Variants in SOS2 observed in about 807,000 individuals in gnomAD.
SOS2 encodes son of sevenless homolog 2.
Under a neutral mutation model 148.2 loss-of-function variants are expected in SOS2, and 65 were observed. That is an observed-to-expected ratio of 0.44 (90% confidence interval 0.36 to 0.54). The LOEUF is 0.54. SOS2 is among the 20% of genes least tolerant of loss of function. SOS2 has a pLI of 0.00. For missense variants in SOS2, 1,341 were observed against 1,590.2 expected, an observed-to-expected ratio of 0.84 and a Z score of 2.67; for synonymous variants, 539 against 537.1, an observed-to-expected ratio of 1.00 and a Z score of -0.05.
intron 16 of SOS2, among the ~76,000 whole-genome samples, chr14:50,144,561 C>T (rs1016174896): frequency 3.3e-5 from 5 of 152,056 alleles, no homozygotes; most frequent in South Asian, 2.1e-4. Context: ...TCTCAGCCTC[C>T]GAAGTAGCTG....
Position 50,118,453 on chromosome 14 carries a change from T to A in SOS2, c.3890A>T (p.Asn1297Ile), listed in dbSNP as rs1566814414. The stretch of plus-strand genomic sequence containing the variant: ...CAGTTTTGGCAGATGAGGGCTTGAA[T>A]TCTGCCTTGGTGGAACAGGGGGAGC... ...PPAPPVPPRQ[N>I]SSPHLPKLPP... is the part of the protein sequence containing the mutation. Residue 1297 changes from asparagine to isoleucine, a missense_variant, in exon 23 of 23, where the codon AAT becomes ATT. By Grantham distance (149) the Asn-to-Ile change is moderately radical (BLOSUM62 -3). Coordinates refer to ENST00000216373, the MANE Select transcript of SOS2 (RefSeq NM_006939.4). 1 of 1,614,156 alleles carries A rather than the reference T, an allele frequency of 6.2e-7. No homozygotes were observed. The highest frequency in any genetic ancestry group is 8.5e-7 in the Non-Finnish European group (1 of 1,180,016).
chr14:50,160,143 G>T, intron 9 of SOS2, 57 bp from the exon 10 acceptor site: 5 of 1,322,858 alleles, frequency 3.8e-6, no homozygotes, highest in Non-Finnish European at 4.2e-6. Flanking sequence ...ATGGTTTCAA[G>T]CATAAACCAT....
intron 4 of SOS2, among the ~76,000 whole-genome samples, chr14:50,197,930 C>T (rs1886364274): frequency 6.6e-6 from 1 of 151,162 alleles, no homozygotes; most frequent in South Asian, 2.1e-4. Context: ...CCTTAAGTGA[C>T]CTGCCCGCCT....
intron 1 of SOS2, among the ~76,000 whole-genome samples, chr14:50,212,056 T>C (rs897592462): frequency 6.6e-6 from 1 of 152,040 alleles, no homozygotes; most frequent in Admixed American, 6.6e-5. Context: ...ATAAAAAGAA[T>C]ACATACAATG....
intron 16 of SOS2, 112 bp downstream of exon 16, chr14:50,145,054 GAAGC>G (rs1884425047): frequency 2.2e-6 from 1 of 462,498 alleles, no homozygotes; most frequent in Admixed American, 3.9e-5. Flanking sequence ...TCATATTTAT[GAAGC>G]AAGGATGAAT....
chr14:50,149,147 T>C (rs1378596541), intron 14 of SOS2, among the ~76,000 whole-genome samples: 1 of 152,214 alleles, frequency 6.6e-6, no homozygotes, highest in East Asian at 1.9e-4. Flanking sequence ...TCTGCCCACC[T>C]TGGCCTCCTA....
rs531533214 is a variant in SOS2 at position 50,159,717 on chromosome 14, T to C, written c.1566A>G (p.Ile522Met). 2 of 1,614,176 alleles carry C rather than the reference T, an allele frequency of 1.2e-6. No individual in the cohort carries two copies. Among genetic ancestry groups the C allele is most frequent in the African/African-American group, 2.7e-5 (2 of 75,066 alleles). Residue 522 changes from isoleucine (I) to methionine (M), a missense_variant, in exon 10 of 23, where the codon ATA (isoleucine) becomes ATG (methionine). This residue lies in a region of SOS2 where 574 missense variants were observed against 711.1 expected (regional missense o/e 0.81). Coordinates refer to ENST00000216373, the MANE Select transcript of SOS2 (RefSeq NM_006939.4). ...CTTCAGCAGACTTAGCAGCAAATAT[T>C]ATGCTGTTCTCATCTTTGGATACTA... ...FELVSKDENSIIFAAKSAEEK... is the reference protein window; with the variant it reads ...FELVSKDENSMIFAAKSAEEK...
intron 1 of SOS2, among the ~76,000 whole-genome samples, chr14:50,208,141 C>CA (rs1886732745): frequency 6.6e-6 from 1 of 151,672 alleles, no homozygotes; most frequent in African/African-American, 2.4e-5. Context: ...ACTAAAAATA[C>CA]AAAAAATTAG....
Position 50,204,298 on chromosome 14 carries a change from C to T in SOS2, c.199G>A (p.Val67Ile). Residue 67 changes from valine to isoleucine, a missense_variant, in exon 2 of 23, where the codon GTT becomes ATT. By Grantham distance (29) the Val-to-Ile change is conservative (BLOSUM62 3). Coordinates refer to ENST00000216373, the MANE Select transcript of SOS2 (RefSeq NM_006939.4). ...NKLCMAQPRT[V>I]QDVEERVQKT... is the part of the protein sequence containing the mutation. Reference sequence around the variant, plus strand: ...ATAATTTTTACCTCTACATCTTGAACAGTCCTTGGCTGGGCCATGCATAAT... The same window carrying T: ...ATAATTTTTACCTCTACATCTTGAATAGTCCTTGGCTGGGCCATGCATAAT... 1.3e-6 allele frequency: 2 copies of T among 1,585,074 alleles called. No homozygotes were observed. Among genetic ancestry groups the T allele is most frequent in the South Asian group, 2.3e-5 (2 of 85,416 alleles).
At chr14:50,200,527 T>G (rs2139781689) in intron 3 of SOS2, among the ~76,000 whole-genome samples, 1 of 152,032 alleles carries the variant, frequency 6.6e-6, no homozygotes, top group South Asian at 2.1e-4. Context: ...TTAGTCAGAG[T>G]AGCAGTCATT....
At chr14:50,129,255 T>A (rs1233731215) in intron 21 of SOS2, among the ~76,000 whole-genome samples, 3 of 152,188 alleles carry the variant, frequency 2.0e-5, no homozygotes, top group Non-Finnish European at 4.4e-5. Flanking sequence ...GGGAACCTGA[T>A]AAACATTTAC....
chr14:50,216,462 A>T (rs1377238006), intron 1 of SOS2, among the ~76,000 whole-genome samples: 7 of 152,198 alleles, frequency 4.6e-5, no homozygotes, highest in African/African-American at 1.4e-4. Flanking sequence ...ATATATACTA[A>T]AACTACAAAA....
intron 9 of SOS2, 42 bp downstream of exon 9, chr14:50,161,440 A>C (rs1256090875): frequency 1.3e-6 from 2 of 1,552,488 alleles, no homozygotes; most frequent in South Asian, 2.4e-5. Flanking sequence ...AGAGACAGCG[A>C]AGTAAGCAGA....
chr14:50,162,311 T>C (rs1885035842), intron 8 of SOS2, among the ~76,000 whole-genome samples: 1 of 152,048 alleles, frequency 6.6e-6, no homozygotes, highest in Non-Finnish European at 1.5e-5. Flanking sequence ...AATTTTTTTA[T>C]TTTTATTTTT....
chr14:50,152,962 T>G, intron 13 of SOS2, 108 bp downstream of exon 13: 1 of 553,036 alleles, frequency 1.8e-6, no homozygotes, highest in Non-Finnish European at 3.2e-6. Context: ...AAAGCTCTGT[T>G]TCAAAAAAAA....
chr14:50,217,709 C>G (rs1358164535), intron 1 of SOS2, among the ~76,000 whole-genome samples: 1 of 152,028 alleles, frequency 6.6e-6, no homozygotes, highest in African/African-American at 2.4e-5. Context: ...GTAATCCCAG[C>G]ACTTTGGGAG....
chr14:50,172,931 TTCTG>T (rs1566837184), intron 8 of SOS2, among the ~76,000 whole-genome samples: 1 of 152,184 alleles, frequency 6.6e-6, no homozygotes, highest in Admixed American at 6.5e-5. Flanking sequence ...ATCTAAGAAC[TTCTG>T]TCTACTTTCA....
At chr14:50,132,896 C>T (rs116907251) in intron 19 of SOS2, among the ~76,000 whole-genome samples, 3,125 of 152,074 alleles carry the variant, frequency 0.021, 74 homozygotes, top group Non-Finnish European at 0.026. Flanking sequence ...TAAACCAGAG[C>T]AATTCTTTGA....
At chr14:50,179,757 A>T (rs1885671211) in intron 7 of SOS2, among the ~76,000 whole-genome samples, 1 of 152,190 alleles carries the variant, frequency 6.6e-6, no homozygotes, top group Non-Finnish European at 1.5e-5. Context: ...AGATAGTAAA[A>T]ATAAAATTTT....
Sources: gnomAD v4.1 joint callset for allele counts (sites outside exome capture counted in the v4.1 genomes callset) on GRCh38, gnomAD v4.1.1 for gene constraint, gnomAD v4.1.1 regional missense constraint, MANE v1.5 for transcripts, NCBI Gene and HGNC (gene_info 2026-07-23, HGNC 2026-07-21) for gene names.